The following CNTN4 variants were observed in gnomAD, a reference collection of about 807,000 sequenced individuals.
CNTN4 encodes contactin-4.
A neutral mutation model predicts 122.5 loss-of-function variants in CNTN4; 77 were observed. The observed-to-expected ratio is 0.63, with a 90% confidence interval of 0.52 to 0.76. The LOEUF is 0.76. CNTN4 is among the 30% of genes least tolerant of loss of function. The probability of loss-of-function intolerance (pLI) is 0.00; values close to 1 mark genes in which losing one functional copy is unlikely to be tolerated. For synonymous variants in CNTN4, 512 were observed against 447.0 expected (o/e 1.15, Z -1.83); for missense variants, 1,256 against 1,259.1 (o/e 1.00, Z 0.04).
intron 4 of CNTN4, among the ~76,000 whole-genome samples, chr3:2,713,613 CTTCAGGGGAG>C (rs2087289206): frequency 3.3e-5 from 5 of 152,202 alleles, no homozygotes; most frequent in African/African-American, 1.2e-4. Flanking sequence ...TTATGTCCTG[CTTCAGGGGAG>C]AACCACAGGA....
intron 2 of CNTN4, among the ~76,000 whole-genome samples, chr3:2,246,843 C>T (rs1286728706): frequency 2.0e-5 from 3 of 151,708 alleles, no homozygotes; most frequent in African/African-American, 7.3e-5. Context: ...AGGGAATGTT[C>T]GTGGAATGAG....
chr3:2,306,641 T>C (rs181311874), intron 2 of CNTN4, among the ~76,000 whole-genome samples: 1 of 152,326 alleles, frequency 6.6e-6, no homozygotes, highest in East Asian at 1.9e-4. Context: ...ACCATCTTTA[T>C]AATTTCTGCA....
At chr3:2,907,048 A>G (rs924983393) in intron 12 of CNTN4, among the ~76,000 whole-genome samples, 34 of 152,186 alleles carry the variant, frequency 2.2e-4, no homozygotes, top group Non-Finnish European at 3.4e-4. Context: ...GTCTCTCTTA[A>G]GTGAATAAGG....
intron 2 of CNTN4, among the ~76,000 whole-genome samples, chr3:2,304,805 C>T (rs534548170): frequency 1.7e-4 from 25 of 150,358 alleles, no homozygotes; most frequent in African/African-American, 5.6e-4. Flanking sequence ...TAATTTATGT[C>T]TCCATTGTAA....
chr3:2,378,927 T>C (rs1393027266), intron 3 of CNTN4, among the ~76,000 whole-genome samples: 1 of 152,158 alleles, frequency 6.6e-6, no homozygotes, highest in Admixed American at 6.5e-5. Context: ...AATTAGAGGA[T>C]TATACCATAG....
intron 23 of CNTN4, among the ~76,000 whole-genome samples, chr3:3,048,916 G>A (rs1018459951): frequency 6.6e-6 from 1 of 152,118 alleles, no homozygotes; most frequent in African/African-American, 2.4e-5. Flanking sequence ...AAATCCTTAA[G>A]CTACTTTATG....
intron 3 of CNTN4, among the ~76,000 whole-genome samples, chr3:2,553,120 A>G (rs1267979456): frequency 6.6e-6 from 1 of 152,152 alleles, no homozygotes; most frequent in Admixed American, 6.5e-5. Context: ...TTGATTAAAC[A>G]CCACACAAAG....
In CNTN4 at chr3:3,042,304, C is replaced by T. The variant is rs767255917; in HGVS notation, c.2399-6C>T. 6.2e-7 allele frequency: 1 copy of T among 1,606,148 alleles called. No individual in the cohort carries two copies. Among genetic ancestry groups the T allele is most frequent in the Admixed American group, 1.7e-5 (1 of 60,008 alleles). Reference sequence around the variant, plus strand: ...GAGTAATAACTATCTCCATATTCATCTACAGAACCCACCAAACCACCAGCC... The same window carrying T: ...GAGTAATAACTATCTCCATATTCATTTACAGAACCCACCAAACCACCAGCC... On this transcript the variant is annotated splice_polypyrimidine_tract_variant and splice_region_variant and intron_variant, in intron 20 of 24. Transcript: ENST00000418658.
chr3:2,687,156 G>C (rs931362598), intron 4 of CNTN4, among the ~76,000 whole-genome samples: 3 of 152,206 alleles, frequency 2.0e-5, no homozygotes, highest in Non-Finnish European at 4.4e-5. Context: ...AGATCTAACA[G>C]AAATGTCTGT....
Position 2,294,288 on chromosome 3 carries a change from C to CTTTTTTTTTTTTTTTT in CNTN4, c.-144-44875_-144-44874insTTTTTTTTTTTTTTTT, listed in dbSNP as rs71058604. 1.8e-3 allele frequency among the ~76,000 whole-genome samples: 240 copies of CTTTTTTTTTTTTTTTT among 135,572 alleles called. 5 individuals are homozygous for CTTTTTTTTTTTTTTTT. Among genetic ancestry groups the CTTTTTTTTTTTTTTTT allele is most frequent in the African/African-American group, 5.6e-3 (205 of 36,838 alleles). The allele number at this position is 135,572 out of a possible 152,430, so 88.9% of individuals were successfully genotyped here. A position where few individuals can be genotyped will look rare whatever the true frequency, so the allele number is the denominator to read the frequency against. ...CAAAGGAAAGGCAGAAGAGTTGTGACTTTTTTTTTTTTTTTACTGAATACC... is the reference window on the plus strand; with the variant it reads ...CAAAGGAAAGGCAGAAGAGTTGTGACTTTTTTTTTTTTTTTTTTTTTTTTTTTTTTTACTGAATACC... On this transcript the variant is annotated intron_variant, in intron 2 of 24. Transcript: ENST00000418658.
chr3:2,431,819 G>T (rs933672565), intron 3 of CNTN4, among the ~76,000 whole-genome samples: 1 of 152,132 alleles, frequency 6.6e-6, no homozygotes, highest in African/African-American at 2.4e-5. Flanking sequence ...AGGAATTTTT[G>T]CACCAACAAC....
intron 3 of CNTN4, among the ~76,000 whole-genome samples, chr3:2,348,254 G>A (rs780757318): frequency 5.3e-5 from 8 of 152,322 alleles, no homozygotes; most frequent in East Asian, 3.9e-4. Context: ...TGGCCCAGCC[G>A]TGAGGTTTTT....
At chr3:2,484,058 CTG>C (rs2151607824) in intron 3 of CNTN4, among the ~76,000 whole-genome samples, 1 of 151,966 alleles carries the variant, frequency 6.6e-6, no homozygotes, top group South Asian at 2.1e-4. Context: ...AAAGACATAC[CTG>C]ATAAAGGACT....
chr3:2,520,149 G>T (rs1176320816), intron 3 of CNTN4, among the ~76,000 whole-genome samples: 1 of 150,218 alleles, frequency 6.7e-6, no homozygotes, highest in Non-Finnish European at 1.5e-5. Context: ...AGACTATATT[G>T]TAGTTACTGA....
At chr3:2,904,763 T>A (rs538493512) in intron 12 of CNTN4, among the ~76,000 whole-genome samples, 2 of 152,344 alleles carry the variant, frequency 1.3e-5, no homozygotes, top group South Asian at 4.1e-4. Flanking sequence ...TGTTCTCTAC[T>A]CTACTCTATA....
At chr3:3,025,099 T>A (rs1224004126) in intron 14 of CNTN4, among the ~76,000 whole-genome samples, 1 of 152,202 alleles carries the variant, frequency 6.6e-6, no homozygotes, top group Non-Finnish European at 1.5e-5. Flanking sequence ...TTCTCACTAG[T>A]GTACTCTCTG....
At chr3:2,678,936 A>G (rs2085018237) in intron 4 of CNTN4, among the ~76,000 whole-genome samples, 1 of 152,056 alleles carries the variant, frequency 6.6e-6, no homozygotes, top group African/African-American at 2.4e-5. Flanking sequence ...TACAGCTGTC[A>G]TTTTAGCTAC....
At chr3:2,130,975 G>A (rs891674637) in intron 2 of CNTN4, among the ~76,000 whole-genome samples, 1 of 152,170 alleles carries the variant, frequency 6.6e-6, no homozygotes, top group Non-Finnish European at 1.5e-5. Flanking sequence ...GGCTGACAGT[G>A]TGTTTGGTTT....
At chr3:2,179,893 A>G (rs907025713) in intron 2 of CNTN4, among the ~76,000 whole-genome samples, 4 of 152,038 alleles carry the variant, frequency 2.6e-5, no homozygotes, top group Non-Finnish European at 5.9e-5. Context: ...TATGTAAAAT[A>G]ATCATTACTT....
Sources: gnomAD v4.1 joint callset for allele counts (sites outside exome capture counted in the v4.1 genomes callset) on GRCh38, gnomAD v4.1.1 for gene constraint, MANE v1.5 for transcripts, NCBI Gene and HGNC (gene_info 2026-07-23, HGNC 2026-07-21) for gene names.